Variants in NXPE2 observed in about 807,000 individuals in gnomAD.
The protein encoded by NXPE2 is neurexophilin and PC-esterase domain family member 2, also known as NXPE family member 2.
A neutral mutation model predicts 34.4 loss-of-function variants in NXPE2; 34 were observed. The ratio of observed to expected loss-of-function variants is 0.99; its 90% confidence interval spans 0.75 to 1.31. The LOEUF (loss-of-function observed/expected upper bound fraction) is 1.31. Ranked by LOEUF, NXPE2 falls within the 40% of genes most tolerant of loss-of-function variation. The pLI is 0.00. For missense variants in NXPE2, 649 were observed against 672.5 expected, an observed-to-expected ratio of 0.97 and a Z score of 0.39; for synonymous variants, 235 against 231.3, an observed-to-expected ratio of 1.02 and a Z score of -0.15.
At chr11:114,483,813 T>C in the NXPE2 span, among the ~76,000 whole-genome samples, 1 of 152,166 alleles carries the variant, frequency 6.6e-6, no homozygotes, top group Non-Finnish European at 1.5e-5. Context: ...TTCTTCTCTT[T>C]CCCTGATTGG....
the NXPE2 span, among the ~76,000 whole-genome samples, chr11:114,724,268 A>G: frequency 6.6e-6 from 1 of 152,166 alleles, no homozygotes; most frequent in African/African-American, 2.4e-5. Flanking sequence ...ACCTGCTGCT[A>G]TCACAGTGAC....
chr11:114,632,359 T>A, the NXPE2 span, among the ~76,000 whole-genome samples: 1 of 134,278 alleles, frequency 7.4e-6, no homozygotes, highest in East Asian at 2.0e-4. Flanking sequence ...TATATAAATA[T>A]TATATATTAC....
the NXPE2 span, among the ~76,000 whole-genome samples, chr11:114,813,068 CCA>C: frequency 6.6e-6 from 1 of 152,142 alleles, no homozygotes; most frequent in South Asian, 2.1e-4. Context: ...ATGCCAACTC[CCA>C]GAGAATCTTG....
the NXPE2 span, among the ~76,000 whole-genome samples, chr11:114,576,990 T>C: frequency 4.7e-3 from 473 of 100,350 alleles, 8 homozygotes; most frequent in African/African-American, 0.013. Flanking sequence ...TATATATATA[T>C]ACATATATAT....
At chr11:114,575,286 C>T in the NXPE2 span, among the ~76,000 whole-genome samples, 1,809 of 152,148 alleles carry the variant, frequency 0.012, 37 homozygotes, top group African/African-American at 0.041. Flanking sequence ...TGGAACAAGA[C>T]AAGAATGCCC....
the NXPE2 span, among the ~76,000 whole-genome samples, chr11:114,482,243 G>A: frequency 3.3e-5 from 5 of 152,136 alleles, no homozygotes; most frequent in Non-Finnish European, 7.4e-5. Context: ...CAGTGTATAG[G>A]CTCCTCAGCA....
chr11:114,664,763 A>G, the NXPE2 span, among the ~76,000 whole-genome samples: 63 of 152,286 alleles, frequency 4.1e-4, 1 homozygote, highest in East Asian at 9.6e-4. Flanking sequence ...TCCCCTAGCA[A>G]TATGCTGTAG....
the NXPE2 span, among the ~76,000 whole-genome samples, chr11:114,541,361 G>T: frequency 1.3e-5 from 2 of 152,168 alleles, no homozygotes; most frequent in African/African-American, 4.8e-5. Flanking sequence ...TTATAACTAT[G>T]CTCAATGAGG....
the NXPE2 span, among the ~76,000 whole-genome samples, chr11:114,592,974 T>C: frequency 3.3e-5 from 5 of 152,232 alleles, no homozygotes; most frequent in African/African-American, 1.2e-4. Flanking sequence ...AATATCCATA[T>C]GCAAAAGAAT....
At chr11:114,479,764 G>A in the NXPE2 span, among the ~76,000 whole-genome samples, 3 of 152,232 alleles carry the variant, frequency 2.0e-5, no homozygotes, top group East Asian at 1.9e-4. Flanking sequence ...GAGACCCCAC[G>A]GTGTTAGTTC....
At chr11:114,563,183 A>G in the NXPE2 span, among the ~76,000 whole-genome samples, 1 of 152,116 alleles carries the variant, frequency 6.6e-6, no homozygotes, top group African/African-American at 2.4e-5. Context: ...GGAAGTAGGA[A>G]TATTAGTCAC....
At chr11:114,609,911 C>T in the NXPE2 span, among the ~76,000 whole-genome samples, 1 of 151,634 alleles carries the variant, frequency 6.6e-6, no homozygotes, top group South Asian at 2.1e-4. Flanking sequence ...TGGGTAACTA[C>T]CATTAACCGG....
chr11:114,568,181 A>G, the NXPE2 span, among the ~76,000 whole-genome samples: 2 of 152,134 alleles, frequency 1.3e-5, no homozygotes, highest in Non-Finnish European at 1.5e-5. Flanking sequence ...TTACAAACAT[A>G]TATCTTCTTT....
the NXPE2 span, among the ~76,000 whole-genome samples, chr11:114,799,077 A>G: frequency 1.3e-5 from 2 of 152,244 alleles, no homozygotes; most frequent in East Asian, 1.9e-4. Context: ...TTGCAATTAA[A>G]TAAATGGGTA....
the NXPE2 span, among the ~76,000 whole-genome samples, chr11:114,510,174 A>G: frequency 1.3e-5 from 2 of 152,346 alleles, no homozygotes; most frequent in East Asian, 3.9e-4. Flanking sequence ...AAATGTAAAG[A>G]TAGAATGAAT....
At chr11:114,751,631 G>A in the NXPE2 span, among the ~76,000 whole-genome samples, 9 of 152,160 alleles carry the variant, frequency 5.9e-5, no homozygotes, top group African/African-American at 2.2e-4. Context: ...TATTTCAGTC[G>A]GGAAAGCCTG....
chr11:114,802,665 T>C, the NXPE2 span, among the ~76,000 whole-genome samples: 1 of 152,188 alleles, frequency 6.6e-6, no homozygotes, highest in Non-Finnish European at 1.5e-5. Context: ...TATCAACACC[T>C]GTGATACGCA....
At chr11:114,567,264 A>T in the NXPE2 span, among the ~76,000 whole-genome samples, 1 of 151,864 alleles carries the variant, frequency 6.6e-6, no homozygotes, top group African/African-American at 2.4e-5. Flanking sequence ...TGGGCACTCG[A>T]TTCCCCATGC....
the NXPE2 span, among the ~76,000 whole-genome samples, chr11:114,671,236 T>G: frequency 5.9e-5 from 9 of 151,420 alleles, no homozygotes; most frequent in African/African-American, 7.3e-5. Flanking sequence ...GTAGAGATTA[T>G]GCAGTCTAGA....
Sources: gnomAD v4.1 joint callset for allele counts (sites outside exome capture counted in the v4.1 genomes callset) on GRCh38, gnomAD v4.1.1 for gene constraint, MANE v1.5 for transcripts, NCBI Gene and HGNC (gene_info 2026-07-23, HGNC 2026-07-21) for gene names.